The following COPA variants were observed in gnomAD, a reference collection of about 807,000 sequenced individuals.
COPA encodes the protein coat protein complex I subunit alpha.
COPA carries 10 observed loss-of-function variants against 158.7 expected under a neutral mutation model. The observed-to-expected ratio is 0.06, with a 90% CI of 0.04 to 0.11. COPA has a LOEUF of 0.11. Among genes scored for constraint, COPA ranks in the 10% least tolerant of loss-of-function variants. The pLI, the probability that COPA is intolerant of heterozygous loss-of-function variation, is 1.00. For synonymous variants in COPA, 462 were observed against 542.8 expected (o/e 0.85, Z 2.07); for missense variants, 1,065 against 1,536.7 (o/e 0.69, Z 5.13).
intron 6 of COPA, among the ~76,000 whole-genome samples, chr1:160,330,930 C>A (rs1446063202): frequency 1.3e-5 from 2 of 151,788 alleles, no homozygotes; most frequent in Non-Finnish European, 2.9e-5. Context: ...TCTCAGCACT[C>A]TGGGAGGCAA....
chr1:160,332,800 T>A (rs1369923445), intron 5 of COPA, among the ~76,000 whole-genome samples: 1 of 152,240 alleles, frequency 6.6e-6, no homozygotes, highest in Non-Finnish European at 1.5e-5. Context: ...GGACTAAGAT[T>A]ACATAGCTCT....
At chr1:160,308,085 A>G (rs1462829097) in intron 13 of COPA, among the ~76,000 whole-genome samples, 1 of 152,116 alleles carries the variant, frequency 6.6e-6, no homozygotes, top group Non-Finnish European at 1.5e-5. Flanking sequence ...CTCCTTTATT[A>G]TTATCTCCCT....
At position 160,309,449 on chromosome 1, in the gene COPA, CCACAAATTAACAGA is replaced by C. The variant is rs892821551; in HGVS notation, c.1144-287_1144-274del. ...ATGAAAGTAAGAAATGCTCTCTACT[CCACAAATTAACAGA>C]CTAGGACCCTGATATTCTGGTACCC... is the stretch of plus-strand genomic sequence containing the variant. On this transcript the variant is annotated intron_variant, in intron 12 of 32. Coordinates refer to ENST00000241704, the MANE Select transcript of COPA (RefSeq NM_004371.4). Among the ~76,000 whole-genome samples, 28 of 152,126 alleles carry C rather than the reference CCACAAATTAACAGA, an allele frequency of 1.8e-4. 1 individual carries two copies. The highest frequency in any genetic ancestry group is 6.7e-4 in the African/African-American group (28 of 41,504).
intron 7 of COPA, among the ~76,000 whole-genome samples, chr1:160,324,366 T>G (rs2101861522): frequency 6.6e-6 from 1 of 150,576 alleles, no homozygotes; most frequent in Admixed American, 6.6e-5. Context: ...TCATATTAAT[T>G]GCTCCCTGAA....
chr1:160,316,042 A>T (rs1659122840), intron 8 of COPA, among the ~76,000 whole-genome samples: 1 of 152,224 alleles, frequency 6.6e-6, no homozygotes, highest in Non-Finnish European at 1.5e-5. Context: ...AAAATCAGTG[A>T]GCTCGAAGAC....
intron 12 of COPA, among the ~76,000 whole-genome samples, chr1:160,309,379 G>GTCACT (rs1414519766): frequency 6.6e-6 from 1 of 152,080 alleles, no homozygotes; most frequent in Non-Finnish European, 1.5e-5. Flanking sequence ...CAGCACTGAT[G>GTCACT]TCACTTTATT....
chr1:160,291,275 G>T, intron 31 of COPA, 60 bp downstream of exon 31: 1 of 1,582,102 alleles, frequency 6.3e-7, no homozygotes, highest in Non-Finnish European at 8.6e-7. Flanking sequence ...ACCTTGGTCT[G>T]CTCCCTCCAT....
intron 17 of COPA, among the ~76,000 whole-genome samples, chr1:160,304,304 A>G (rs1359203772): frequency 6.7e-6 from 1 of 149,148 alleles, no homozygotes; most frequent in African/African-American, 2.5e-5. Flanking sequence ...GTGAGCCACC[A>G]CGCCCAACCC....
intron 8 of COPA, among the ~76,000 whole-genome samples, chr1:160,320,919 A>G (rs1430488809): frequency 1.3e-5 from 2 of 152,078 alleles, no homozygotes; most frequent in Non-Finnish European, 2.9e-5. Context: ...ACAGGCCGAT[A>G]TCACTGATGA....
At chr1:160,331,870 G>A (rs1291480253) in intron 6 of COPA, among the ~76,000 whole-genome samples, 3 of 151,820 alleles carry the variant, frequency 2.0e-5, no homozygotes, top group East Asian at 1.9e-4. Flanking sequence ...GCTTGAACCC[G>A]GGAGGTGGAG....
chr1:160,301,165 TA>T (rs768675677), intron 17 of COPA, among the ~76,000 whole-genome samples: 3 of 150,730 alleles, frequency 2.0e-5, no homozygotes, highest in South Asian at 2.1e-4. Flanking sequence ...AAATAAAAAA[TA>T]AAAAAAAATC....
chr1:160,305,494 C>A lies in COPA; in HGVS notation c.1606G>T (p.Asp536Tyr). The change falls in exon 17 of 33, where the codon GAT (aspartate) becomes TAT (tyrosine). Residue 536 changes from aspartate (D) to tyrosine (Y), a missense_variant. This residue lies in a region of COPA where 980 missense variants were observed against 1,357.8 expected (regional missense o/e 0.72). Transcript: ENST00000241704. ...GTATAGATAAATACCCCACTCTCAT[C>A]CCAGGCCCCACTCTTGACACGAATG... ...ENIRVKSGAW[D>Y]ESGVFIYTTS... is the part of the protein sequence containing the mutation. The A allele has an allele frequency of 6.2e-7, 1 of 1,614,174 alleles. No homozygotes were observed. The highest frequency in any genetic ancestry group is 1.1e-5 in the South Asian group (1 of 91,082).
Position 160,298,892 on chromosome 1 carries a change from C to T in COPA, c.1930G>A (p.Asp644Asn). ...GCCAGACTAAAGCGAGTTTTCTCAT[C>T]CTTGACAAAATGCAGTGCCACTTCA... ...YPEVALHFVK[D>N]EKTRFSLALE... Residue 644 changes from aspartate (D) to asparagine (N), a missense_variant, in exon 19 of 33, where the codon GAT (aspartate) becomes AAT (asparagine). By Grantham distance (23) the Asp-to-Asn change is conservative (BLOSUM62 1). Coordinates refer to ENST00000241704, the MANE Select transcript of COPA (RefSeq NM_004371.4). 1.9e-6 allele frequency: 3 copies of T among 1,614,132 alleles called. No homozygotes were observed. The highest frequency in any genetic ancestry group is 2.5e-6 in the Non-Finnish European group (3 of 1,180,028).
At chr1:160,306,822 C>G (rs1358261921) in intron 14 of COPA, among the ~76,000 whole-genome samples, 3 of 152,150 alleles carry the variant, frequency 2.0e-5, no homozygotes, top group Non-Finnish European at 4.4e-5. Context: ...TGTGCTGGAC[C>G]TATTACATTT....
At position 160,295,775 on chromosome 1, in the gene COPA, C is replaced by G; in HGVS notation, c.2437G>C (p.Val813Leu). 5 of 1,611,954 alleles carry G rather than the reference C, an allele frequency of 3.1e-6. No individual in the cohort carries two copies. The highest frequency in any genetic ancestry group is 4.2e-6 in the Non-Finnish European group (5 of 1,179,516). The change falls in exon 23 of 33, where the codon GTA (valine) becomes CTA (leucine). Residue 813 changes from valine to leucine, a missense_variant. This residue lies in a region of COPA where 980 missense variants were observed against 1,357.8 expected (regional missense o/e 0.72). Transcript: ENST00000241704. ...PLDTNWPLLT[V>L]SKGFFEGTIA... ...GTGCCTTCAAAAAATCCTTTGGATA[C>G]AGTCAATAAAGGCCAATTGGTATCC...
At position 160,306,925 on chromosome 1, in the gene COPA, G is replaced by C. The variant is rs192763650; in HGVS notation, c.1302+238C>G. On this transcript the variant is annotated intron_variant, in intron 14 of 32. Transcript: ENST00000241704. ...GCGTTTTGGGCTCCTGTAGTCAAGAGTGACTTTAGCTTGGTTCTTAAACCC... is the reference window on the plus strand; with the variant it reads ...GCGTTTTGGGCTCCTGTAGTCAAGACTGACTTTAGCTTGGTTCTTAAACCC... 2.0e-5 allele frequency among the ~76,000 whole-genome samples: 3 copies of C among 152,314 alleles called. No individual in the cohort carries two copies. The East Asian group carries it at 5.8e-4, about 29-fold the overall frequency.
At chr1:160,309,242 A>G in intron 12 of COPA, 66 bp from the exon 13 acceptor site, 1 of 1,213,602 alleles carries the variant, frequency 8.2e-7, no homozygotes, top group Non-Finnish European at 1.2e-6. Flanking sequence ...TTTCCAATTT[A>G]CTCTGACAGA....
At chr1:160,339,406 CATG>C (rs1557877610) in intron 3 of COPA, 1 of 152,482 alleles carries the variant, frequency 6.6e-6, no homozygotes, top group Non-Finnish European at 1.5e-5. Flanking sequence ...TAGTTATCTG[CATG>C]ATAACATCTA....
At chr1:160,321,424 T>C (rs940275717) in intron 8 of COPA, among the ~76,000 whole-genome samples, 1 of 152,184 alleles carries the variant, frequency 6.6e-6, no homozygotes, top group African/African-American at 2.4e-5. Context: ...ATCATATACT[T>C]AGAAAAACCT....
Sources: allele counts gnomAD v4.1 joint callset (sites outside exome capture counted in the v4.1 genomes callset), GRCh38; gene constraint gnomAD v4.1.1; regional missense constraint gnomAD v4.1.1; transcripts MANE v1.5; gene names NCBI Gene and HGNC (gene_info 2026-07-23, HGNC 2026-07-21).